CADPS: variants seen among roughly 807,000 people sequenced by gnomAD.
The protein encoded by CADPS is calcium dependent secretion activator.
CADPS carries 57 observed loss-of-function variants against 167.3 expected under a neutral mutation model. That is an observed-to-expected ratio of 0.34 (90% CI 0.28 to 0.42). The LOEUF (loss-of-function observed/expected upper bound fraction) is 0.42. Among genes scored for constraint, CADPS ranks in the 20% least tolerant of loss-of-function variants. The pLI is 1.00. For missense variants in CADPS, 1,414 were observed against 1,738.1 expected, an observed-to-expected ratio of 0.81 and a Z score of 3.32; for synonymous variants, 676 against 635.3, an observed-to-expected ratio of 1.06 and a Z score of -0.96.
intron 3 of CADPS, among the ~76,000 whole-genome samples, chr3:62,702,562 A>G (rs2081585149): frequency 6.6e-6 from 1 of 152,050 alleles, no homozygotes; most frequent in South Asian, 2.1e-4. Context: ...AATGTTAAGG[A>G]CTCGATAGTA....
intron 3 of CADPS, among the ~76,000 whole-genome samples, chr3:62,709,914 T>C (rs139295972): frequency 0.089 from 13,439 of 151,588 alleles, 733 homozygotes; most frequent in South Asian, 0.16. Context: ...GGATTACAGG[T>C]GCCTGCCACC....
At chr3:62,636,782 C>T (rs1273332859) in intron 6 of CADPS, among the ~76,000 whole-genome samples, 11 of 152,266 alleles carry the variant, frequency 7.2e-5, no homozygotes, top group Non-Finnish European at 1.6e-4. Context: ...CTCTGGAAGA[C>T]GACTCATGGA....
intron 3 of CADPS, among the ~76,000 whole-genome samples, chr3:62,746,526 T>C (rs919559325): frequency 6.6e-6 from 1 of 152,266 alleles, no homozygotes; most frequent in African/African-American, 2.4e-5. Context: ...TTTGTAGAGA[T>C]AGAGTCTCCC....
intron 4 of CADPS, among the ~76,000 whole-genome samples, chr3:62,653,922 T>C (rs1395759502): frequency 6.6e-6 from 1 of 152,128 alleles, no homozygotes; most frequent in Non-Finnish European, 1.5e-5. Context: ...GTGTGGTGCT[T>C]TCTAAACACG....
intron 6 of CADPS, among the ~76,000 whole-genome samples, chr3:62,617,611 T>C (rs1166244209): frequency 1.3e-5 from 2 of 151,916 alleles, no homozygotes; most frequent in Non-Finnish European, 2.9e-5. Flanking sequence ...AAGGTGAAAG[T>C]TGAGGGGCTA....
At chr3:62,797,365 T>C (rs2093488830) in intron 1 of CADPS, among the ~76,000 whole-genome samples, 1 of 152,116 alleles carries the variant, frequency 6.6e-6, no homozygotes, top group African/African-American at 2.4e-5. Flanking sequence ...TCCCAGCACT[T>C]TGCATGCAGT....
Position 62,465,269 on chromosome 3 carries a change from C to T in CADPS, c.3636+98G>A. 1.3e-6 allele frequency: 1 copy of T among 774,556 alleles called. No homozygotes were observed. The highest frequency in any genetic ancestry group is 2.2e-6 in the Non-Finnish European group (1 of 461,888). 48.0% of individuals were successfully genotyped at this position (774,556 alleles called of 1,614,324 possible). On this transcript the variant is annotated intron_variant, in intron 26 of 29. Coordinates refer to ENST00000383710, the MANE Select transcript of CADPS (RefSeq NM_003716.4). This position sits in a 1 kb window ranked among gnomAD's most constrained non-coding sequence, Gnocchi z 4.1. ...AATAGTTGACTATAATTAACACACA[C>T]ACCCATCCCAAAACAAAATGACACA...
chr3:62,721,022 T>TTAGCCAGGATGGTA (rs994890315), intron 3 of CADPS, among the ~76,000 whole-genome samples: 14 of 150,202 alleles, frequency 9.3e-5, no homozygotes, highest in African/African-American at 3.5e-4. Context: ...TTTCACTGCA[T>TTAGCCAGGATGGTA]TAGCCAGGAT....
intron 26 of CADPS, among the ~76,000 whole-genome samples, chr3:62,454,195 C>A (rs2058413824): frequency 6.6e-6 from 1 of 152,224 alleles, no homozygotes; most frequent in South Asian, 2.1e-4. Context: ...CAAGTCTTGA[C>A]TCTTACTCCT....
intron 6 of CADPS, among the ~76,000 whole-genome samples, chr3:62,619,085 C>A (rs967507262): frequency 2.6e-5 from 4 of 152,204 alleles, no homozygotes; most frequent in Non-Finnish European, 5.9e-5. Flanking sequence ...ACTTACAGAA[C>A]CTCTGTGGCT....
chr3:62,852,872 A>G (rs2078911408), intron 1 of CADPS, among the ~76,000 whole-genome samples: 1 of 152,210 alleles, frequency 6.6e-6, no homozygotes, highest in Non-Finnish European at 1.5e-5. Flanking sequence ...CATTGAATGA[A>G]TAACTAGAAA....
intron 4 of CADPS, among the ~76,000 whole-genome samples, chr3:62,653,477 T>C (rs1423576361): frequency 6.6e-6 from 1 of 152,184 alleles, no homozygotes; most frequent in African/African-American, 2.4e-5. Context: ...ACTATGGCAT[T>C]CTGTTATAGC....
Position 62,465,343 on chromosome 3 carries a change from G to A in CADPS, c.3636+24C>T, listed in dbSNP as rs765902736. 3 of 1,533,576 alleles carry A rather than the reference G, an allele frequency of 2.0e-6. No individual in the cohort carries two copies. Among genetic ancestry groups the A allele is most frequent in the Non-Finnish European group, 1.8e-6 (2 of 1,130,630 alleles). 95.0% of individuals were successfully genotyped at this position (1,533,576 alleles called of 1,614,324 possible). A position where few individuals can be genotyped will look rare whatever the true frequency, so the allele number is the denominator to read the frequency against. On this transcript the variant is annotated intron_variant, in intron 26 of 29. Coordinates refer to ENST00000383710, the MANE Select transcript of CADPS (RefSeq NM_003716.4). This position sits in a 1 kb window ranked among gnomAD's most constrained non-coding sequence, Gnocchi z 4.1. ...AACCAAAAATTAAAACAAAAGCCAG[G>A]AAATAAAGAAGCTCTTTACTTACGG...
At chr3:62,515,570 T>G (rs2068773566) in intron 16 of CADPS, among the ~76,000 whole-genome samples, 1 of 152,078 alleles carries the variant, frequency 6.6e-6, no homozygotes, top group African/African-American at 2.4e-5. Flanking sequence ...TAACCTGCCA[T>G]CGAGCTTGAA....
intron 5 of CADPS, among the ~76,000 whole-genome samples, chr3:62,649,812 A>G (rs539229686): frequency 2.0e-4 from 30 of 151,982 alleles, no homozygotes; most frequent in African/African-American, 6.5e-4. Flanking sequence ...TCAGCCTCTC[A>G]AAGTCCTGGG....
chr3:62,624,307 C>T lies in CADPS; in HGVS notation c.1325+21415G>A, dbSNP rs144263296. Among the ~76,000 whole-genome samples the T allele has an allele frequency of 5.0e-3, 760 of 152,184 alleles. 10 individuals are homozygous for T. Among genetic ancestry groups the T allele is most frequent in the Admixed American group, 0.04 (606 of 15,282 alleles). ...AATGTTTGGGCCCTAAATCTCTGTC[C>T]TTCTGAATCTCTTCTCCTCATTCCC... On this transcript the variant is annotated intron_variant, in intron 6 of 29. Coordinates refer to ENST00000383710, the MANE Select transcript of CADPS (RefSeq NM_003716.4).
intron 6 of CADPS, among the ~76,000 whole-genome samples, chr3:62,634,023 A>C (rs909099985): frequency 2.0e-5 from 3 of 152,142 alleles, no homozygotes; most frequent in Admixed American, 2.0e-4. Context: ...GGGAAGTGAA[A>C]TATTTTGGGG....
chr3:62,666,251 C>A (rs1369083745), intron 3 of CADPS, among the ~76,000 whole-genome samples: 1 of 152,130 alleles, frequency 6.6e-6, no homozygotes, highest in Non-Finnish European at 1.5e-5. Flanking sequence ...AGCTAATGAT[C>A]TGAAGAGAGG....
chr3:62,486,776 C>T (rs1157366000), intron 21 of CADPS, among the ~76,000 whole-genome samples: 2 of 152,156 alleles, frequency 1.3e-5, no homozygotes, highest in African/African-American at 4.8e-5. Flanking sequence ...TGTTACAGTG[C>T]TGTGACTGCT....
Sources: allele counts gnomAD v4.1 joint callset (sites outside exome capture counted in the v4.1 genomes callset), GRCh38; gene constraint gnomAD v4.1.1; non-coding constraint Gnocchi (gnomAD v3.1); transcripts MANE v1.5; gene names NCBI Gene and HGNC (gene_info 2026-07-23, HGNC 2026-07-21).